Variants in MYO5B observed in about 807,000 individuals in gnomAD.
MYO5B encodes the protein myosin VB.
A neutral mutation model predicts 229.3 loss-of-function variants in MYO5B; 143 were observed. That is an observed-to-expected ratio of 0.62 (90% confidence interval 0.54 to 0.72). The LOEUF (loss-of-function observed/expected upper bound fraction) is 0.72, where lower values mean the gene tolerates loss of function less well. MYO5B is among the 30% of genes least tolerant of loss of function. The probability of loss-of-function intolerance (pLI) is 0.00; values close to 1 mark genes in which losing one functional copy is unlikely to be tolerated. For missense variants in MYO5B, 2,321 were observed against 2,331.0 expected, an observed-to-expected ratio of 1.00 and a Z score of 0.09; for synonymous variants, 918 against 885.2, an observed-to-expected ratio of 1.04 and a Z score of -0.66.
At chr18:50,187,269 A>C (rs2033161301) in intron 1 of MYO5B, among the ~76,000 whole-genome samples, 1 of 152,236 alleles carries the variant, frequency 6.6e-6, no homozygotes, top group East Asian at 1.9e-4. Flanking sequence ...ACACCTAGCA[A>C]CCAGATCTTC....
At chr18:50,150,599 C>T (rs915298625) in intron 1 of MYO5B, among the ~76,000 whole-genome samples, 47 of 151,990 alleles carry the variant, frequency 3.1e-4, no homozygotes, top group African/African-American at 1.1e-3. Flanking sequence ...AACCAAACAC[C>T]GCATATTCTC....
intron 31 of MYO5B, among the ~76,000 whole-genome samples, chr18:49,852,009 T>G (rs1054272144): frequency 2.6e-5 from 4 of 151,876 alleles, no homozygotes; most frequent in African/African-American, 9.7e-5. Context: ...TCCTCCTCCT[T>G]GCCCGGCCAG....
chr18:50,055,524 G>A (rs1163662612), intron 1 of MYO5B, 146 bp from the exon 2 acceptor site: 6 of 695,566 alleles, frequency 8.6e-6, no homozygotes, highest in Admixed American at 4.2e-5. Flanking sequence ...AGGACACAAC[G>A]TGATCCGATA....
chr18:49,895,024 G>A lies in MYO5B; in HGVS notation c.2962C>T (p.Leu988=). 1 of 1,613,982 alleles carries A rather than the reference G, an allele frequency of 6.2e-7. No individual in the cohort carries two copies. The highest frequency in any genetic ancestry group is 8.5e-7 in the Non-Finnish European group (1 of 1,180,032). ...SLRLQEEVES[L]RTELQRAHSE... ...TGGGCCCTCTGCAGCTCTGTGCGCA[G>A]GCTCTCCACCTCCTCCTGCAGCCTG... is the stretch of plus-strand genomic sequence containing the variant. The change falls in exon 22 of 40, where the codon CTG becomes TTG. Residue 988 remains leucine (L), a synonymous_variant. Coordinates refer to ENST00000285039, the MANE Select transcript of MYO5B (RefSeq NM_001080467.3).
intron 1 of MYO5B, among the ~76,000 whole-genome samples, chr18:50,132,880 T>A (rs2032275923): frequency 6.6e-6 from 1 of 152,222 alleles, no homozygotes. Flanking sequence ...TTCCTCCACC[T>A]CCTTCTCACA....
At chr18:49,956,306 T>C (rs2025492115) in intron 12 of MYO5B, among the ~76,000 whole-genome samples, 2 of 152,248 alleles carry the variant, frequency 1.3e-5, no homozygotes, top group South Asian at 2.1e-4. Context: ...AGCTAGGTGC[T>C]ATGTTTGTAA....
chr18:50,109,718 G>A (rs891830514), intron 1 of MYO5B, among the ~76,000 whole-genome samples: 3 of 152,126 alleles, frequency 2.0e-5, no homozygotes, highest in East Asian at 3.9e-4. Context: ...GAGCCACCAC[G>A]ACCAGCGGTC....
intron 29 of MYO5B, among the ~76,000 whole-genome samples, chr18:49,860,032 C>G (rs1313028453): frequency 6.6e-6 from 1 of 152,154 alleles, no homozygotes; most frequent in Non-Finnish European, 1.5e-5. Context: ...CCGACCAAGC[C>G]CAGGTGCCAA....
intron 16 of MYO5B, among the ~76,000 whole-genome samples, chr18:49,931,290 C>G (rs1462859488): frequency 1.3e-5 from 2 of 152,148 alleles, no homozygotes; most frequent in Non-Finnish European, 2.9e-5. Flanking sequence ...AGCCCTGGGT[C>G]TCATCCCATG....
chr18:50,154,858 G>C (rs2032655081), intron 1 of MYO5B, among the ~76,000 whole-genome samples: 1 of 152,202 alleles, frequency 6.6e-6, no homozygotes, highest in South Asian at 2.1e-4. Flanking sequence ...TCCTGTGCAA[G>C]GCAGTTTTGC....
intron 1 of MYO5B, among the ~76,000 whole-genome samples, chr18:50,067,503 A>T (rs1211827415): frequency 1.3e-5 from 2 of 152,142 alleles, no homozygotes; most frequent in African/African-American, 4.8e-5. Flanking sequence ...CTCATGTTGA[A>T]ATTCAATCCC....
At chr18:49,928,973 G>T (rs111973056) in intron 17 of MYO5B, among the ~76,000 whole-genome samples, 3,879 of 152,198 alleles carry the variant, frequency 0.025, 163 homozygotes, top group African/African-American at 0.088. Context: ...GGGGGAAAGG[G>T]GGGTGATGGT....
intron 31 of MYO5B, 76 bp from the exon 32 acceptor site, chr18:49,849,736 T>G: frequency 8.7e-7 from 1 of 1,155,688 alleles, no homozygotes; most frequent in African/African-American, 1.5e-5. Flanking sequence ...CTGCTTGCAG[T>G]TGGAGGTGAC....
At chr18:50,185,714 C>T (rs547062330) in intron 1 of MYO5B, among the ~76,000 whole-genome samples, 1 of 152,324 alleles carries the variant, frequency 6.6e-6, no homozygotes, top group Non-Finnish European at 1.5e-5. Flanking sequence ...CCTAAATGCT[C>T]ATCAGCATGG....
intron 1 of MYO5B, among the ~76,000 whole-genome samples, chr18:50,067,254 T>C (rs996353041): frequency 6.6e-6 from 1 of 152,102 alleles, no homozygotes; most frequent in Admixed American, 6.6e-5. Flanking sequence ...TGAAAACCAT[T>C]TGAGGAGTTA....
intron 5 of MYO5B, among the ~76,000 whole-genome samples, chr18:49,999,206 T>C (rs1387009277): frequency 6.6e-6 from 1 of 152,256 alleles, no homozygotes; most frequent in African/African-American, 2.4e-5. Context: ...ACACTATGTC[T>C]CTGATATCTT....
At chr18:49,927,805 T>C (rs1239621334) in intron 17 of MYO5B, among the ~76,000 whole-genome samples, 2 of 152,236 alleles carry the variant, frequency 1.3e-5, no homozygotes, top group Admixed American at 6.5e-5. Context: ...GAAGGTAACA[T>C]TGGGAAAACC....
Position 50,190,187 on chromosome 18 carries a change from A to G in MYO5B, c.27+4580T>C, listed in dbSNP as rs1315288709. 3.9e-5 allele frequency among the ~76,000 whole-genome samples: 6 copies of G among 152,326 alleles called. No homozygotes were observed. In the East Asian group the frequency reaches 5.8e-4, roughly 15 times the overall value. On this transcript the variant is annotated intron_variant, in intron 1 of 39. Coordinates refer to ENST00000285039, the MANE Select transcript of MYO5B (RefSeq NM_001080467.3). ...ATTTTTTGTTCCAAGTAACTCTTCT[A>G]TAGATAAGAGTTGTATTATTCAGCC...
chr18:50,059,588 T>C (rs1159965632), intron 1 of MYO5B, among the ~76,000 whole-genome samples: 2 of 152,172 alleles, frequency 1.3e-5, no homozygotes, highest in Non-Finnish European at 2.9e-5. Context: ...CCAGTCAATC[T>C]CCACAATAAA....
Sources: allele counts gnomAD v4.1 joint callset (sites outside exome capture counted in the v4.1 genomes callset), GRCh38; gene constraint gnomAD v4.1.1; transcripts MANE v1.5; gene names NCBI Gene and HGNC (gene_info 2026-07-23, HGNC 2026-07-21).